The following ATAD1 variants were observed in gnomAD, a reference collection of about 807,000 sequenced individuals.
The protein encoded by ATAD1 is outer mitochondrial transmembrane helix translocase.
Under a neutral mutation model 42.7 loss-of-function variants are expected in ATAD1, and 18 were observed. The observed-to-expected ratio is 0.42, with a 90% CI of 0.29 to 0.63. The LOEUF is 0.63. Among genes scored for constraint, ATAD1 ranks in the 20% least tolerant of loss-of-function variants. ATAD1 has a pLI of 0.19. For synonymous variants in ATAD1, 132 were observed against 143.1 expected (o/e 0.92, Z 0.55); for missense variants, 294 against 440.4 (o/e 0.67, Z 2.98).
chr10:87,795,230 C>T (rs904791491), intron 2 of ATAD1, among the ~76,000 whole-genome samples: 3 of 152,128 alleles, frequency 2.0e-5, no homozygotes, highest in Non-Finnish European at 4.4e-5. Context: ...GAGAGCAGAA[C>T]ATGGCTGGCA....
intron 4 of ATAD1, among the ~76,000 whole-genome samples, chr10:87,787,420 C>A (rs1268765202): frequency 6.6e-6 from 1 of 152,098 alleles, no homozygotes; most frequent in Non-Finnish European, 1.5e-5. Context: ...GAATTCAAGA[C>A]CAACCTGGGC....
chr10:87,816,889 G>A (rs1378438949), intron 1 of ATAD1, among the ~76,000 whole-genome samples: 1 of 152,166 alleles, frequency 6.6e-6, no homozygotes, highest in Non-Finnish European at 1.5e-5. Flanking sequence ...TTTAGAGTTG[G>A]TAGTGATAAA....
intron 2 of ATAD1, among the ~76,000 whole-genome samples, chr10:87,797,270 G>A (rs1406491240): frequency 6.6e-6 from 1 of 151,488 alleles, no homozygotes; most frequent in East Asian, 1.9e-4. Context: ...CAAATTATGG[G>A]TAACAAAACC....
chr10:87,808,676 C>G (rs901432656), intron 2 of ATAD1, among the ~76,000 whole-genome samples: 2 of 152,172 alleles, frequency 1.3e-5, no homozygotes, highest in Non-Finnish European at 2.9e-5. Flanking sequence ...GAGAATCATA[C>G]AGGTTTTATT....
chr10:87,815,510 T>C (rs1345595662), intron 1 of ATAD1, among the ~76,000 whole-genome samples: 1 of 151,860 alleles, frequency 6.6e-6, no homozygotes, highest in Admixed American at 6.6e-5. Flanking sequence ...ATGGGATATA[T>C]AAGAAAAAGA....
At chr10:87,796,539 G>A (rs910352721) in intron 2 of ATAD1, among the ~76,000 whole-genome samples, 8 of 152,060 alleles carry the variant, frequency 5.3e-5, no homozygotes, top group Non-Finnish European at 7.4e-5. Context: ...CTGATGTTTC[G>A]TGTCTCCCTA....
chr10:87,839,922 ATAT>A (rs1858000859), intron 1 of ATAD1, among the ~76,000 whole-genome samples: 1 of 152,088 alleles, frequency 6.6e-6, no homozygotes, highest in African/African-American at 2.4e-5. Flanking sequence ...CCACCTTTCC[ATAT>A]TGTCCTTCAC....
chr10:87,758,585 G>A (rs1373517852), intron 8 of ATAD1, among the ~76,000 whole-genome samples: 1 of 151,718 alleles, frequency 6.6e-6, no homozygotes, highest in Non-Finnish European at 1.5e-5. Flanking sequence ...TTATGCTAAA[G>A]GGAAAAAAAC....
chr10:87,808,141 A>G (rs1455461209), intron 2 of ATAD1, among the ~76,000 whole-genome samples: 1 of 152,220 alleles, frequency 6.6e-6, no homozygotes, highest in Non-Finnish European at 1.5e-5. Context: ...TCAAACTCTC[A>G]TGAATCCTGA....
At chr10:87,754,957 C>T (rs1854156605) in intron 9 of ATAD1, 150 bp from the exon 10 acceptor site, 1 of 850,648 alleles carries the variant, frequency 1.2e-6, no homozygotes, top group Non-Finnish European at 1.7e-6. Flanking sequence ...AATCTCTTTA[C>T]CATTCAAGAC....
At chr10:87,837,403 T>A (rs1298727650) in intron 1 of ATAD1, among the ~76,000 whole-genome samples, 2 of 152,244 alleles carry the variant, frequency 1.3e-5, no homozygotes, top group Non-Finnish European at 2.9e-5. Context: ...CTTTCCATGC[T>A]ATTTGGATCT....
rs547917770 is a variant in ATAD1 at position 87,751,669 on chromosome 10, T to C, written c.*3018A>G. Reference sequence around the variant, plus strand: ...GAACTCTATCTTTGATAACTAAATCTATAACAAATTTAATAATGAAGGCTC... The same window carrying C: ...GAACTCTATCTTTGATAACTAAATCCATAACAAATTTAATAATGAAGGCTC... On this transcript the variant is annotated 3_prime_UTR_variant, in exon 10 of 10. Transcript: ENST00000680024. 4.6e-4 allele frequency: 70 copies of C among 152,268 alleles called. No homozygotes were observed. The highest frequency in any genetic ancestry group is 1.6e-3 in the African/African-American group (68 of 41,556). 9.4% of individuals were successfully genotyped at this position (152,268 alleles called of 1,614,324 possible). A position where few individuals can be genotyped will look rare whatever the true frequency, so the allele number is the denominator to read the frequency against.
At chr10:87,773,194 AT>A (rs1045784339) in intron 6 of ATAD1, among the ~76,000 whole-genome samples, 8 of 152,268 alleles carry the variant, frequency 5.3e-5, no homozygotes, top group African/African-American at 1.9e-4. Flanking sequence ...ACAAAACATA[AT>A]TTTTTTATCA....
chr10:87,811,036 C>T (rs1375109201), intron 2 of ATAD1, among the ~76,000 whole-genome samples: 3 of 152,030 alleles, frequency 2.0e-5, no homozygotes, highest in Non-Finnish European at 4.4e-5. Flanking sequence ...CTCATGAATG[C>T]CTTTAAGATT....
intron 5 of ATAD1, among the ~76,000 whole-genome samples, chr10:87,782,077 C>T (rs1855590248): frequency 6.6e-6 from 1 of 151,874 alleles, no homozygotes; most frequent in Admixed American, 6.6e-5. Context: ...AAAATAAATG[C>T]AGACCTAGAA....
At chr10:87,784,706 G>A (rs1257777402) in intron 4 of ATAD1, 36 bp from the exon 5 acceptor site, 15 of 1,568,766 alleles carry the variant, frequency 9.6e-6, no homozygotes, top group Non-Finnish European at 1.3e-5. Context: ...CCTTTAAGGG[G>A]ATATTTGCTT....
intron 2 of ATAD1, 139 bp from the exon 3 acceptor site, chr10:87,792,894 T>A (rs1004129572): frequency 3.1e-6 from 2 of 651,406 alleles, no homozygotes; most frequent in Admixed American, 2.7e-5. Context: ...GGCCCCTTGA[T>A]CTTAGCCTTC....
intron 9 of ATAD1, among the ~76,000 whole-genome samples, chr10:87,755,395 A>G (rs1453793344): frequency 6.6e-6 from 1 of 152,188 alleles, no homozygotes; most frequent in Non-Finnish European, 1.5e-5. Flanking sequence ...AACATTCAGG[A>G]AAAAGTTATA....
chr10:87,837,904 C>G (rs2132119935), intron 1 of ATAD1, among the ~76,000 whole-genome samples: 1 of 152,236 alleles, frequency 6.6e-6, no homozygotes, highest in Non-Finnish European at 1.5e-5. Flanking sequence ...GCCTGGGGCA[C>G]TAGAGAATGG....
Sources: allele counts gnomAD v4.1 joint callset (sites outside exome capture counted in the v4.1 genomes callset), GRCh38; gene constraint gnomAD v4.1.1; transcripts MANE v1.5; gene names NCBI Gene and HGNC (gene_info 2026-07-23, HGNC 2026-07-21).